ARB2A: variants seen among roughly 807,000 people sequenced by gnomAD.
ARB2A encodes the protein cotranscriptional regulator ARB2A.
chr5:93,673,546 G>T, the ARB2A span, among the ~76,000 whole-genome samples: 1 of 152,172 alleles, frequency 6.6e-6, no homozygotes, highest in African/African-American at 2.4e-5. Flanking sequence ...AAGACACTTC[G>T]TTTAAAGAAT....
At chr5:93,953,831 C>A in the ARB2A span, among the ~76,000 whole-genome samples, 1 of 152,078 alleles carries the variant, frequency 6.6e-6, no homozygotes, top group African/African-American at 2.4e-5. Context: ...TGGCTAAGCA[C>A]CCGAGACACA....
At chr5:94,015,447 A>G in the ARB2A span, among the ~76,000 whole-genome samples, 1 of 152,170 alleles carries the variant, frequency 6.6e-6, no homozygotes, top group Non-Finnish European at 1.5e-5. Flanking sequence ...TGCAAAAAGA[A>G]AACATTTGAA....
the ARB2A span, among the ~76,000 whole-genome samples, chr5:94,001,887 G>A: frequency 6.6e-6 from 1 of 152,054 alleles, no homozygotes; most frequent in African/African-American, 2.4e-5. Context: ...CAAACATGAT[G>A]TACATGGTAA....
At chr5:93,827,709 C>A in the ARB2A span, among the ~76,000 whole-genome samples, 1 of 151,588 alleles carries the variant, frequency 6.6e-6, no homozygotes, top group Non-Finnish European at 1.5e-5. Flanking sequence ...AGGTTTTCTT[C>A]TAGGGTTTTT....
chr5:93,785,942 T>C, the ARB2A span, among the ~76,000 whole-genome samples: 3 of 152,166 alleles, frequency 2.0e-5, no homozygotes, highest in Non-Finnish European at 4.4e-5. Flanking sequence ...CATATAAAAG[T>C]TTAAACCAAC....
chr5:94,050,739 G>T, the ARB2A span: 2 of 1,601,960 alleles, frequency 1.2e-6, no homozygotes, highest in Non-Finnish European at 1.7e-6. Context: ...ACCTCTCCTA[G>T]AGCCTCGTAT....
At chr5:93,791,928 A>G in the ARB2A span, among the ~76,000 whole-genome samples, 1 of 152,190 alleles carries the variant, frequency 6.6e-6, no homozygotes, top group South Asian at 2.1e-4. Flanking sequence ...TAGGTTTAAA[A>G]GAAAAAGAAA....
the ARB2A span, among the ~76,000 whole-genome samples, chr5:93,684,500 C>T: frequency 6.6e-6 from 1 of 152,116 alleles, no homozygotes; most frequent in Non-Finnish European, 1.5e-5. Context: ...ATAACATATG[C>T]TCAATAAAAA....
chr5:93,836,025 G>T, the ARB2A span, among the ~76,000 whole-genome samples: 1 of 152,050 alleles, frequency 6.6e-6, no homozygotes, highest in East Asian at 1.9e-4. Flanking sequence ...TAAGATGAAA[G>T]AAAAAATTTT....
chr5:93,976,289 T>C, the ARB2A span, among the ~76,000 whole-genome samples: 1 of 152,182 alleles, frequency 6.6e-6, no homozygotes, highest in African/African-American at 2.4e-5. Context: ...GAGTCATCTA[T>C]GAAAAACACA....
At chr5:94,046,033 G>A in the ARB2A span, among the ~76,000 whole-genome samples, 1 of 152,136 alleles carries the variant, frequency 6.6e-6, no homozygotes, top group African/African-American at 2.4e-5. Flanking sequence ...ACAGATGGAG[G>A]TGGGATACAG....
chr5:93,922,356 A>G, the ARB2A span, among the ~76,000 whole-genome samples: 2 of 151,698 alleles, frequency 1.3e-5, no homozygotes, highest in Non-Finnish European at 2.9e-5. Context: ...AATAGACACT[A>G]CACCAGAAGA....
chr5:94,007,221 G>GA, the ARB2A span, among the ~76,000 whole-genome samples: 2 of 151,890 alleles, frequency 1.3e-5, no homozygotes, highest in Non-Finnish European at 2.9e-5. Context: ...ATGTCATTAA[G>GA]AAAAAAATTA....
chr5:94,006,313 A>T, the ARB2A span, among the ~76,000 whole-genome samples: 1 of 152,194 alleles, frequency 6.6e-6, no homozygotes, highest in Non-Finnish European at 1.5e-5. Flanking sequence ...TTTATATAAC[A>T]CTACTAAAAT....
chr5:93,814,602 T>G, the ARB2A span, among the ~76,000 whole-genome samples: 2 of 152,212 alleles, frequency 1.3e-5, no homozygotes, highest in African/African-American at 4.8e-5. Context: ...CATAATGACC[T>G]CTTCGCTATT....
the ARB2A span, among the ~76,000 whole-genome samples, chr5:93,748,896 T>C: frequency 1.3e-5 from 2 of 152,202 alleles, no homozygotes; most frequent in Non-Finnish European, 2.9e-5. Context: ...CTTTTCATCA[T>C]ATCACTTATG....
At chr5:93,904,016 C>T in the ARB2A span, among the ~76,000 whole-genome samples, 2 of 151,640 alleles carry the variant, frequency 1.3e-5, no homozygotes, top group African/African-American at 2.4e-5. Context: ...TCAGAAGTTT[C>T]GGGAGGTACA....
the ARB2A span, among the ~76,000 whole-genome samples, chr5:94,093,421 T>C: frequency 6.6e-6 from 1 of 152,156 alleles, no homozygotes; most frequent in Admixed American, 6.5e-5. Context: ...AGGCTCTCTT[T>C]CTGCCTTTCA....
chr5:94,012,158 T>C, the ARB2A span, among the ~76,000 whole-genome samples: 2 of 152,020 alleles, frequency 1.3e-5, no homozygotes, highest in Non-Finnish European at 2.9e-5. Flanking sequence ...ATCCCAACAC[T>C]TTGGGAGGCC....
Sources: gnomAD v4.1 joint callset for allele counts (sites outside exome capture counted in the v4.1 genomes callset) on GRCh38, gnomAD v4.1.1 for gene constraint, MANE v1.5 for transcripts, NCBI Gene and HGNC (gene_info 2026-07-23, HGNC 2026-07-21) for gene names.